Variants in SPTB observed in about 807,000 individuals in gnomAD.
SPTB encodes the protein spectrin beta, erythrocytic, also known as spectrin beta chain, erythrocytic.
SPTB carries 45 observed loss-of-function variants against 256.2 expected under a neutral mutation model. The ratio of observed to expected loss-of-function variants is 0.18; its 90% CI spans 0.14 to 0.23. The LOEUF (loss-of-function observed/expected upper bound fraction) is 0.23, where lower values mean the gene tolerates loss of function less well. Among genes scored for constraint, SPTB ranks in the 10% least tolerant of loss-of-function variants. SPTB has a pLI of 1.00. For missense variants in SPTB, 2,715 were observed against 3,040.4 expected, an observed-to-expected ratio of 0.89 and a Z score of 2.52; for synonymous variants, 1,231 against 1,243.1, an observed-to-expected ratio of 0.99 and a Z score of 0.21.
intron 1 of SPTB, among the ~76,000 whole-genome samples, chr14:64,855,336 T>C (rs1594847035): frequency 6.6e-6 from 1 of 152,094 alleles, no homozygotes; most frequent in East Asian, 1.9e-4. Flanking sequence ...ATTCCCAGAG[T>C]AGAATGCACT....
chr14:64,843,538 C>G (rs2083640995), intron 1 of SPTB, among the ~76,000 whole-genome samples: 2 of 152,094 alleles, frequency 1.3e-5, no homozygotes. Flanking sequence ...TGGTCACAGC[C>G]CCATCGCAGC....
chr14:64,815,974 C>T (rs79847681), intron 2 of SPTB, among the ~76,000 whole-genome samples: 12,323 of 152,254 alleles, frequency 0.081, 618 homozygotes, highest in Middle Eastern at 0.12. Context: ...CCATTTTCTC[C>T]TCACCTATGG....
chr14:64,803,860 T>C, intron 3 of SPTB, 80 bp from the exon 4 acceptor site: 1 of 1,465,790 alleles, frequency 6.8e-7, no homozygotes. Context: ...CCAGCTCCTG[T>C]CATAAGCACC....
intron 12 of SPTB, 129 bp from the exon 13 acceptor site, chr14:64,794,746 G>A (rs751691571): frequency 8.2e-7 from 1 of 1,222,846 alleles, no homozygotes; most frequent in Non-Finnish European, 1.2e-6. Context: ...GCCAGAAAAG[G>A]GCTGCTGCTG....
chr14:64,786,873 T>C lies in SPTB; in HGVS notation c.3092A>G (p.Asp1031Gly). Reference protein sequence around the residue: ...LMDSHPEQKEDIGQRQKHLEE... With the variant: ...LMDSHPEQKEGIGQRQKHLEE... Reference sequence around the variant, plus strand: ...CAAGTGTTTTTGCCGCTGACCAATATCCTCCTTCTGCTCAGGGTGCGAGTC... The same window carrying C: ...CAAGTGTTTTTGCCGCTGACCAATACCCTCCTTCTGCTCAGGGTGCGAGTC... Residue 1031 changes from aspartate (D) to glycine (G), a missense_variant, in exon 16 of 36, where the codon GAT (aspartate) becomes GGT (glycine). By Grantham distance (94) the Asp-to-Gly change is moderately conservative. Transcript: ENST00000644917. The surrounding 1 kb of genome is among the most constrained non-coding windows in gnomAD (Gnocchi z 5.6). 6.2e-7 allele frequency: 1 copy of C among 1,612,932 alleles called. No homozygotes were observed. The highest frequency in any genetic ancestry group is 8.5e-7 in the Non-Finnish European group (1 of 1,180,012).
rs2082390435 is a variant in SPTB at position 64,777,946 on chromosome 14, C to T, written c.4563+1211G>A. ...GGAGTTAAAAACCTTTGAACAATAA[C>T]ACTTACAGAGGCTGCATAGAATCAA... is the stretch of plus-strand genomic sequence containing the variant. On this transcript the variant is annotated intron_variant, in intron 22 of 35. Transcript: ENST00000644917. The surrounding 1 kb of genome is among the most constrained non-coding windows in gnomAD (Gnocchi z 4.5). 1.3e-5 allele frequency among the ~76,000 whole-genome samples: 2 copies of T among 152,122 alleles called. No individual in the cohort carries two copies. The highest frequency in any genetic ancestry group is 1.3e-4 in the Admixed American group (2 of 15,280).
chr14:64,782,522 T>A lies in SPTB; in HGVS notation c.4034A>T (p.Gln1345Leu). The A allele has an allele frequency of 6.2e-7, 1 of 1,614,018 alleles. No homozygotes were observed. The highest frequency in any genetic ancestry group is 8.5e-7 in the Non-Finnish European group (1 of 1,180,034). The stretch of plus-strand genomic sequence containing the variant: ...CTTTTGGGACACCAGGGCTGTAAAC[T>A]GGGGCTTCTCATCCATCAGCTGCTT... ...EGKQLMDEKP[Q>L]FTALVSQKLE... is the part of the protein sequence containing the mutation. The change falls in exon 20 of 36, where the codon CAG (glutamine) becomes CTG (leucine). Residue 1345 changes from glutamine to leucine, a missense_variant. Transcript: ENST00000644917.
rs200071450 is a variant in SPTB at position 64,795,558 on chromosome 14, C to T, written c.1423G>A (p.Glu475Lys). 28 of 1,614,186 alleles carry T rather than the reference C, an allele frequency of 1.7e-5. No individual in the cohort carries two copies. The East Asian group carries it at 2.7e-4, about 15-fold the overall frequency. Residue 475 changes from glutamate (E) to lysine (K), a missense_variant, in exon 12 of 36, where the codon GAG (glutamate) becomes AAG (lysine). Physicochemically the swap from Glu to Lys is moderately conservative, Grantham distance 56. This residue lies in a region of SPTB where 416 missense variants were observed against 571.1 expected (regional missense o/e 0.73). Coordinates refer to ENST00000644917, the MANE Select transcript of SPTB (RefSeq NM_001355436.2). This position sits in a 1 kb window ranked among gnomAD's most constrained non-coding sequence, Gnocchi z 6.5. ...EAIETDTAAYEERVRALEDLA... is the reference protein window; with the variant it reads ...EAIETDTAAYKERVRALEDLA... ...TCCTCCAGGGCTCTCACCCGCTCCTCGTAGGCAGCCGTGTCGGTCTCGATG... is the reference window on the plus strand; with the variant it reads ...TCCTCCAGGGCTCTCACCCGCTCCTTGTAGGCAGCCGTGTCGGTCTCGATG...
At chr14:64,836,186 C>A (rs541514482) in intron 1 of SPTB, among the ~76,000 whole-genome samples, 1 of 152,294 alleles carries the variant, frequency 6.6e-6, no homozygotes, top group Admixed American at 6.5e-5. Context: ...GAGGATGGGG[C>A]CATAAGGTGG....
Position 64,778,939 on chromosome 14 carries a change from C to T in SPTB, c.4563+218G>A, listed in dbSNP as rs1695767. 1.1e-4 allele frequency among the ~76,000 whole-genome samples: 16 copies of T among 152,118 alleles called. 1 individual carries two copies. Among genetic ancestry groups the T allele is most frequent in the African/African-American group, 7.2e-5 (3 of 41,422 alleles). On this transcript the variant is annotated intron_variant, in intron 22 of 35. Coordinates refer to ENST00000644917, the MANE Select transcript of SPTB (RefSeq NM_001355436.2). The surrounding 1 kb of genome is among the most constrained non-coding windows in gnomAD (Gnocchi z 5.2). ...ATGGCCCTGAATCCCCAACTACCTC[C>T]CCTCCTCTGTGATCCTCCCAGAATT...
At position 64,749,868 on chromosome 14, in the gene SPTB, C is replaced by T. The variant is rs2081917185; in HGVS notation, c.6776+113G>A. ...CCATCAGCCTCTTTGATTTGAAAAACCCCTGAGGAGCAGCTCAGGCCTGGC... is the reference window on the plus strand; with the variant it reads ...CCATCAGCCTCTTTGATTTGAAAAATCCCTGAGGAGCAGCTCAGGCCTGGC... On this transcript the variant is annotated intron_variant, in intron 34 of 35. Transcript: ENST00000644917. This position sits in a 1 kb window ranked among gnomAD's most constrained non-coding sequence, Gnocchi z 4.7. 32 of 1,523,862 alleles carry T rather than the reference C, an allele frequency of 2.1e-5. No individual in the cohort carries two copies. Among genetic ancestry groups the T allele is most frequent in the Non-Finnish European group, 2.8e-5 (31 of 1,102,042 alleles). 94.4% of individuals were successfully genotyped at this position (1,523,862 alleles called of 1,614,324 possible). A position where few individuals can be genotyped will look rare whatever the true frequency, so the allele number is the denominator to read the frequency against.
rs543440874 is a variant in SPTB at position 64,816,488 on chromosome 14, C to T, written c.148+6459G>A. Among the ~76,000 whole-genome samples the T allele has an allele frequency of 4.3e-4, 65 of 152,284 alleles. 1 individual carries two copies. The South Asian group carries it at 0.013, about 31-fold the overall frequency. On this transcript the variant is annotated intron_variant, in intron 2 of 35. Transcript: ENST00000644917. This position sits in a 1 kb window ranked among gnomAD's most constrained non-coding sequence, Gnocchi z 4.2. The stretch of plus-strand genomic sequence containing the variant: ...GACTCAAACATGCTTATCCCCTGAA[C>T]TGAGAGCTGCAGTTTATGTTACAAA...
chr14:64,784,623 G>A (rs1025307527), intron 18 of SPTB, among the ~76,000 whole-genome samples: 2 of 152,232 alleles, frequency 1.3e-5, no homozygotes, highest in African/African-American at 2.4e-5. Flanking sequence ...TGGAGTGTGT[G>A]TGGTGTAGAC....
rs2081895250 is a variant in SPTB, at chr14:64,748,991, G to C, written c.*315C>G. 1 of 278,760 alleles carries C rather than the reference G, an allele frequency of 3.6e-6. No individual in the cohort carries two copies. The highest frequency in any genetic ancestry group is 5.4e-5 in the Admixed American group (1 of 18,410). The allele number at this position is 278,760 out of a possible 1,614,324, so 17.3% of individuals were successfully genotyped here. On this transcript the variant is annotated 3_prime_UTR_variant, in exon 36 of 36. Coordinates refer to ENST00000644917, the MANE Select transcript of SPTB (RefSeq NM_001355436.2). ...AGGGGCCTGTGCCCCCTCGGCTCAG[G>C]AGGAGGGTGGGAGAGGAGGGCGTGT...
chr14:64,862,858 A>T (rs1283133140), intron 1 of SPTB, among the ~76,000 whole-genome samples: 2 of 101,150 alleles, frequency 2.0e-5, no homozygotes, highest in Admixed American at 2.5e-4. Context: ...TAAAACAAAT[A>T]AACAACAATA....
intron 31 of SPTB, 144 bp downstream of exon 31, chr14:64,767,159 C>T (rs552648270): frequency 9.1e-6 from 10 of 1,100,704 alleles, no homozygotes; most frequent in African/African-American, 1.5e-5. Context: ...CGCTCATGCT[C>T]AGGCACTCTG....
At chr14:64,840,190 T>C (rs143631444) in intron 1 of SPTB, among the ~76,000 whole-genome samples, 1 of 152,324 alleles carries the variant, frequency 6.6e-6, no homozygotes, top group Non-Finnish European at 1.5e-5. Context: ...GATGTACCCA[T>C]TCAGAGGAAA....
intron 1 of SPTB, among the ~76,000 whole-genome samples, chr14:64,850,261 C>T (rs998295974): frequency 1.3e-5 from 2 of 152,168 alleles, no homozygotes; most frequent in Non-Finnish European, 2.9e-5. Context: ...CAGGGGACGT[C>T]AGGTGGGTGA....
chr14:64,794,163 G>A (rs1373736254), intron 13 of SPTB, among the ~76,000 whole-genome samples: 1 of 152,190 alleles, frequency 6.6e-6, no homozygotes, highest in Non-Finnish European at 1.5e-5. Context: ...ATTCTTGAAA[G>A]ATGCAGTGAG....
Sources: gnomAD v4.1 joint callset for allele counts (sites outside exome capture counted in the v4.1 genomes callset) on GRCh38, gnomAD v4.1.1 for gene constraint, gnomAD v4.1.1 regional missense constraint, Gnocchi (gnomAD v3.1) non-coding constraint, MANE v1.5 for transcripts, NCBI Gene and HGNC (gene_info 2026-07-23, HGNC 2026-07-21) for gene names.